The following MAST4 variants were observed in gnomAD, a reference collection of about 807,000 sequenced individuals.
MAST4 encodes microtubule associated serine/threonine kinase family member 4, also known as microtubule-associated serine/threonine-protein kinase 4.
Under a neutral mutation model 162.7 loss-of-function variants are expected in MAST4, and 89 were observed. That is an observed-to-expected ratio of 0.55 (90% CI 0.46 to 0.65). The LOEUF is 0.65. Ranked by LOEUF, MAST4 falls within the 30% of genes least tolerant of loss-of-function variation. The pLI, the probability that MAST4 is intolerant of heterozygous loss-of-function variation, is 0.00. For missense variants in MAST4, 3,153 were observed against 3,374.0 expected (o/e 0.93, Z 1.62); for synonymous variants, 1,479 against 1,361.1 (o/e 1.09, Z -1.91).
intron 3 of MAST4, among the ~76,000 whole-genome samples, chr5:66,852,365 A>T (rs1423647413): frequency 1.3e-5 from 2 of 152,070 alleles, no homozygotes; most frequent in Non-Finnish European, 2.9e-5. Context: ...GGGTGGTCTC[A>T]AACTCCTGGG....
At chr5:66,749,022 T>C (rs1029312682) in intron 1 of MAST4, among the ~76,000 whole-genome samples, 9 of 152,048 alleles carry the variant, frequency 5.9e-5, no homozygotes, top group Admixed American at 2.6e-4. Flanking sequence ...TTGAGTGGTA[T>C]AGAACAGAGA....
At chr5:66,849,808 C>T (rs1192596491) in intron 3 of MAST4, among the ~76,000 whole-genome samples, 1 of 152,198 alleles carries the variant, frequency 6.6e-6, no homozygotes, top group African/African-American at 2.4e-5. Flanking sequence ...TGTTTTTGAG[C>T]TGTTCCATTA....
At chr5:67,086,096 T>A (rs763068484) in intron 5 of MAST4, among the ~76,000 whole-genome samples, 4 of 152,182 alleles carry the variant, frequency 2.6e-5, no homozygotes, top group Non-Finnish European at 4.4e-5. Context: ...ATGTCACAAC[T>A]CATTTAAGGG....
intron 1 of MAST4, among the ~76,000 whole-genome samples, chr5:66,660,233 A>G (rs1022666342): frequency 6.6e-6 from 1 of 152,198 alleles, no homozygotes; most frequent in African/African-American, 2.4e-5. Flanking sequence ...TACTGAAAAT[A>G]CAAAATTAGC....
At chr5:67,129,457 C>T (rs535840113) in intron 14 of MAST4, among the ~76,000 whole-genome samples, 122 of 152,102 alleles carry the variant, frequency 8.0e-4, no homozygotes, top group African/African-American at 2.9e-3. Context: ...TGGTGGCTCA[C>T]GCCTGTAATC....
chr5:66,859,250 T>G (rs778078218), intron 3 of MAST4, among the ~76,000 whole-genome samples: 1 of 152,194 alleles, frequency 6.6e-6, no homozygotes, highest in African/African-American at 2.4e-5. Flanking sequence ...TTGTCTCTAA[T>G]CTTCCTTTCT....
At chr5:67,108,834 T>C (rs547090677) in intron 10 of MAST4, among the ~76,000 whole-genome samples, 9 of 152,268 alleles carry the variant, frequency 5.9e-5, no homozygotes, top group Admixed American at 1.3e-4. Flanking sequence ...TTCCTTGTCA[T>C]GGTAAAGCAC....
At chr5:66,880,787 T>A (rs1580749184) in intron 3 of MAST4, among the ~76,000 whole-genome samples, 1 of 152,350 alleles carries the variant, frequency 6.6e-6, no homozygotes, top group Middle Eastern at 3.4e-3. Context: ...AACACAGTAT[T>A]AAAGCACTCA....
chr5:66,673,373 G>C (rs1179146737), intron 1 of MAST4, among the ~76,000 whole-genome samples: 1 of 151,712 alleles, frequency 6.6e-6, no homozygotes, highest in African/African-American at 2.4e-5. Flanking sequence ...TTCTTTTGTT[G>C]TTAGATGTTC....
chr5:66,858,113 C>T (rs2042989), intron 3 of MAST4, among the ~76,000 whole-genome samples: 16,318 of 151,910 alleles, frequency 0.11, 1,018 homozygotes, highest in East Asian at 0.25. Context: ...CATGCCACCA[C>T]GCCTGGCTAA....
rs77580828 is a variant in MAST4, at chr5:66,732,886, C to T, written c.364-26823C>T. 8.6e-3 allele frequency among the ~76,000 whole-genome samples: 1,303 copies of T among 152,304 alleles called. 21 individuals are homozygous for T. Among genetic ancestry groups the T allele is most frequent in the African/African-American group, 0.029 (1,203 of 41,568 alleles). ...GCTTTCTTCTTAGTATTTCGCCATT[C>T]GGTCTCTAAAGCTCTGCTTGTTTTG... On this transcript the variant is annotated intron_variant, in intron 1 of 28. Transcript: ENST00000403625.
intron 4 of MAST4, among the ~76,000 whole-genome samples, chr5:67,048,323 A>G (rs935910557): frequency 6.6e-6 from 1 of 152,188 alleles, no homozygotes; most frequent in African/African-American, 2.4e-5. Flanking sequence ...CCATGGTTAA[A>G]CCTCAAAAAC....
chr5:66,870,219 C>A (rs1760828068), intron 3 of MAST4, among the ~76,000 whole-genome samples: 1 of 152,124 alleles, frequency 6.6e-6, no homozygotes, highest in Non-Finnish European at 1.5e-5. Context: ...ATACAATGTG[C>A]ATTTAGGGGC....
chr5:66,845,126 T>TATATATACACACACACACACAC (rs1358855625), intron 3 of MAST4, among the ~76,000 whole-genome samples: 1 of 67,172 alleles, frequency 1.5e-5, no homozygotes, highest in African/African-American at 5.6e-5. Context: ...TATATATATA[T>TATATATACACACACACACACAC]ACACACACAC....
intron 5 of MAST4, among the ~76,000 whole-genome samples, chr5:67,066,939 A>G (rs1760312071): frequency 6.6e-6 from 1 of 151,624 alleles, no homozygotes; most frequent in Non-Finnish European, 1.5e-5. Context: ...ACACATATCT[A>G]AGTACCTCTC....
In MAST4 at chr5:67,164,003, C is replaced by T. The variant is rs766181333; in HGVS notation, c.4824C>T (p.His1608=). The T allele has an allele frequency of 6.2e-7, 1 of 1,600,766 alleles. No homozygotes were observed. The highest frequency in any genetic ancestry group is 8.5e-7 in the Non-Finnish European group (1 of 1,173,750). Residue 1608 remains histidine (H), a synonymous_variant, in exon 29 of 29, where the codon CAC becomes CAT. Coordinates refer to ENST00000403625, the MANE Select transcript of MAST4 (RefSeq NM_001164664.2). The surrounding 1 kb of genome is among the most constrained non-coding windows in gnomAD (Gnocchi z 5.3). ...GCAGCCTGCTGAAGGATGCTCTTCACAAGCAGGCCAGCGTGCGCGCCAGCG... is the reference window on the plus strand; with the variant it reads ...GCAGCCTGCTGAAGGATGCTCTTCATAAGCAGGCCAGCGTGCGCGCCAGCG... ...PLGSLLKDAL[H]KQASVRASEG... is the part of the protein sequence containing the mutation.
chr5:66,717,245 A>G (rs186625535), intron 1 of MAST4, among the ~76,000 whole-genome samples: 48 of 152,284 alleles, frequency 3.2e-4, no homozygotes, highest in Middle Eastern at 3.4e-3. Flanking sequence ...ATTCCTGGCA[A>G]AAATGCTGCT....
At chr5:67,004,926 CT>C (rs5868470) in intron 4 of MAST4, 20 of 696,458 alleles carry the variant, frequency 2.9e-5, no homozygotes, top group Admixed American at 6.4e-5. Flanking sequence ...GTCTTTCTTC[CT>C]TTTTTTTACC....
chr5:66,959,128 C>T, intron 4 of MAST4: 1 of 715,540 alleles, frequency 1.4e-6, no homozygotes, highest in Admixed American at 1.9e-5. Context: ...TCCCCCTCCC[C>T]CTCGAGAGAG....
Sources: allele counts gnomAD v4.1 joint callset (sites outside exome capture counted in the v4.1 genomes callset), GRCh38; gene constraint gnomAD v4.1.1; non-coding constraint Gnocchi (gnomAD v3.1); transcripts MANE v1.5; gene names NCBI Gene and HGNC (gene_info 2026-07-23, HGNC 2026-07-21).